Variants in KHDRBS3 observed in about 807,000 individuals in gnomAD.
KHDRBS3 encodes the protein KH domain-containing, RNA-binding, signal transduction-associated protein 3.
KHDRBS3 carries 23 observed loss-of-function variants against 45.6 expected under a neutral mutation model. That is an observed-to-expected ratio of 0.50 (90% CI 0.36 to 0.72). The LOEUF (loss-of-function observed/expected upper bound fraction) is 0.72, where lower values mean the gene tolerates loss of function less well. KHDRBS3 is among the 30% of genes least tolerant of loss of function. The pLI is 0.00. For synonymous variants in KHDRBS3, 162 were observed against 156.5 expected, an observed-to-expected ratio of 1.04 and a Z score of -0.26; for missense variants, 352 against 424.8, an observed-to-expected ratio of 0.83 and a Z score of 1.51.
intron 6 of KHDRBS3, among the ~76,000 whole-genome samples, chr8:135,592,968 G>A (rs574001350): frequency 8.5e-5 from 13 of 152,258 alleles, no homozygotes; most frequent in African/African-American, 3.1e-4. Flanking sequence ...GGAGGCCGGA[G>A]TTGGAGGTTT....
At chr8:135,641,878 G>A (rs960734910) in intron 7 of KHDRBS3, among the ~76,000 whole-genome samples, 16 of 152,200 alleles carry the variant, frequency 1.1e-4, no homozygotes, top group Admixed American at 1.0e-3. Context: ...AAGCAGGAAA[G>A]CCGTGTTTTT....
At chr8:135,642,795 C>CTT (rs35011503) in intron 7 of KHDRBS3, among the ~76,000 whole-genome samples, 54 of 143,792 alleles carry the variant, frequency 3.8e-4, no homozygotes, top group Admixed American at 8.4e-4. Context: ...AGGCATTTGT[C>CTT]TTTTTTTTTT....
intron 1 of KHDRBS3, among the ~76,000 whole-genome samples, chr8:135,475,093 C>G (rs545685921): frequency 6.6e-6 from 1 of 152,326 alleles, no homozygotes; most frequent in East Asian, 1.9e-4. Flanking sequence ...TTGGGCTTAC[C>G]TGGATAATCC....
chr8:135,625,339 G>T (rs570522908), intron 7 of KHDRBS3: 1 of 987,218 alleles, frequency 1.0e-6, no homozygotes, highest in Admixed American at 1.7e-5. Flanking sequence ...TTCCGAAGTA[G>T]AAATCCCTCT....
intron 7 of KHDRBS3, among the ~76,000 whole-genome samples, chr8:135,641,148 G>T (rs994131256): frequency 2.0e-5 from 3 of 152,028 alleles, no homozygotes; most frequent in African/African-American, 7.2e-5. Context: ...TTATCTTCTT[G>T]TGCATTAAAA....
chr8:135,471,562 A>G (rs1822014722), intron 1 of KHDRBS3, among the ~76,000 whole-genome samples: 1 of 152,188 alleles, frequency 6.6e-6, no homozygotes, highest in Non-Finnish European at 1.5e-5. Flanking sequence ...GCTGTAATAA[A>G]GACAAGTGCA....
chr8:135,519,240 T>G (rs1824781083), intron 1 of KHDRBS3, among the ~76,000 whole-genome samples: 1 of 152,196 alleles, frequency 6.6e-6, no homozygotes, highest in Admixed American at 6.5e-5. Flanking sequence ...TATTGTATAG[T>G]GTTTTCAGAC....
chr8:135,636,283 T>G (rs1830809653), intron 7 of KHDRBS3, among the ~76,000 whole-genome samples: 1 of 152,222 alleles, frequency 6.6e-6, no homozygotes, highest in African/African-American at 2.4e-5. Flanking sequence ...ATACAGAAGT[T>G]AAGAGTGTCT....
intron 1 of KHDRBS3, among the ~76,000 whole-genome samples, chr8:135,500,922 C>T (rs188714258): frequency 2.3e-4 from 35 of 152,298 alleles, no homozygotes; most frequent in Non-Finnish European, 5.9e-5. Context: ...TAAATATTCT[C>T]ACTAAAGGAT....
chr8:135,654,347 T>C (rs1302166191), intron 4 of KHDRBS3, among the ~76,000 whole-genome samples: 1 of 152,252 alleles, frequency 6.6e-6, no homozygotes, highest in African/African-American at 2.4e-5. Context: ...GTAGACCTAC[T>C]GGGCTTTTAT....
At chr8:135,469,506 G>GTTTT (rs1356499436) in intron 1 of KHDRBS3, among the ~76,000 whole-genome samples, 12 of 111,276 alleles carry the variant, frequency 1.1e-4, no homozygotes, top group African/African-American at 3.6e-4. Context: ...CCAGGATGGT[G>GTTTT]TTTTTTTTTT....
chr8:135,597,061 A>G (rs1362969474), intron 6 of KHDRBS3, among the ~76,000 whole-genome samples: 2 of 152,230 alleles, frequency 1.3e-5, no homozygotes, highest in Non-Finnish European at 2.9e-5. Flanking sequence ...GATATTTTAG[A>G]TGGATAATTT....
intron 5 of KHDRBS3, among the ~76,000 whole-genome samples, chr8:135,581,574 A>C (rs1021140446): frequency 6.6e-6 from 1 of 152,170 alleles, no homozygotes; most frequent in African/African-American, 2.4e-5. Flanking sequence ...TAATCCTGGC[A>C]TGGCATTATA....
intron 2 of KHDRBS3, chr8:135,539,824 G>A (rs1335921929): frequency 6.6e-6 from 1 of 152,146 alleles, no homozygotes; most frequent in East Asian, 1.9e-4. Flanking sequence ...ATTCATTTAT[G>A]TACTTTTTGT....
intron 1 of KHDRBS3, among the ~76,000 whole-genome samples, chr8:135,489,737 A>G (rs1286359872): frequency 2.0e-5 from 3 of 152,212 alleles, no homozygotes; most frequent in Non-Finnish European, 4.4e-5. Context: ...ACAAAAGTTT[A>G]TAAAGTAAAA....
At chr8:135,469,173 A>C (rs1329272317) in intron 1 of KHDRBS3, among the ~76,000 whole-genome samples, 1 of 152,214 alleles carries the variant, frequency 6.6e-6, no homozygotes, top group Non-Finnish European at 1.5e-5. Context: ...GTGTTTCTTC[A>C]CAGTTTTCTT....
chr8:135,563,477 C>T (rs1303706562), intron 5 of KHDRBS3, among the ~76,000 whole-genome samples: 1 of 152,208 alleles, frequency 6.6e-6, no homozygotes, highest in Non-Finnish European at 1.5e-5. Context: ...GGCTCAGAAC[C>T]CCCTGTCCTG....
intron 2 of KHDRBS3, among the ~76,000 whole-genome samples, chr8:135,536,551 T>C (rs923502449): frequency 2.6e-5 from 4 of 152,076 alleles, no homozygotes; most frequent in Non-Finnish European, 1.5e-5. Context: ...AAGACCTTTC[T>C]GTTGATTGAA....
At chr8:135,611,045 A>C (rs1013632182) in intron 7 of KHDRBS3, among the ~76,000 whole-genome samples, 12 of 151,962 alleles carry the variant, frequency 7.9e-5, no homozygotes, top group Non-Finnish European at 1.3e-4. Flanking sequence ...GTTATGTTAT[A>C]AATTATAAGC....
Sources: gnomAD v4.1 joint callset for allele counts (sites outside exome capture counted in the v4.1 genomes callset) on GRCh38, gnomAD v4.1.1 for gene constraint, MANE v1.5 for transcripts, NCBI Gene and HGNC (gene_info 2026-07-23, HGNC 2026-07-21) for gene names.